Variants in ELOVL5 observed in about 807,000 individuals in gnomAD.
ELOVL5 encodes very long chain fatty acid elongase 5.
A neutral mutation model predicts 38.6 loss-of-function variants in ELOVL5; 8 were observed. The ratio of observed to expected loss-of-function variants is 0.21; its 90% CI spans 0.12 to 0.37. The LOEUF (loss-of-function observed/expected upper bound fraction) is 0.37, where lower values mean the gene tolerates loss of function less well. ELOVL5 is among the 10% of genes least tolerant of loss of function. The pLI, the probability that ELOVL5 is intolerant of heterozygous loss-of-function variation, is 1.00. For missense variants in ELOVL5, 280 were observed against 367.8 expected, an observed-to-expected ratio of 0.76 and a Z score of 1.95; for synonymous variants, 127 against 133.7, an observed-to-expected ratio of 0.95 and a Z score of 0.34.
chr6:53,324,672 C>CAA (rs200304234), intron 1 of ELOVL5, among the ~76,000 whole-genome samples: 3 of 80,378 alleles, frequency 3.7e-5, no homozygotes, highest in Non-Finnish European at 6.4e-5. Context: ...GAGATCCTGT[C>CAA]AAAAAAAAAA....
At chr6:53,298,499 T>C (rs952431216) in intron 1 of ELOVL5, among the ~76,000 whole-genome samples, 1 of 152,128 alleles carries the variant, frequency 6.6e-6, no homozygotes, top group South Asian at 2.1e-4. Context: ...TTATTAGCAA[T>C]GTGACCTTGG....
At chr6:53,344,251 TTG>T (rs1204826560) in intron 1 of ELOVL5, among the ~76,000 whole-genome samples, 1 of 152,200 alleles carries the variant, frequency 6.6e-6, no homozygotes, top group Non-Finnish European at 1.5e-5. Context: ...CCTCTTCTCT[TTG>T]GAAGAGTATC....
At chr6:53,346,495 A>G (rs1296203734) in intron 1 of ELOVL5, among the ~76,000 whole-genome samples, 1 of 152,202 alleles carries the variant, frequency 6.6e-6, no homozygotes, top group African/African-American at 2.4e-5. Flanking sequence ...GCGTATTAAT[A>G]AGTACCTGAC....
At chr6:53,345,812 AG>A (rs796539300) in intron 1 of ELOVL5, among the ~76,000 whole-genome samples, 31 of 152,360 alleles carry the variant, frequency 2.0e-4, no homozygotes, top group African/African-American at 6.0e-4. Context: ...GGATATATGA[AG>A]GAGCAGAGAT....
chr6:53,270,762 C>G, intron 6 of ELOVL5, 35 bp from the exon 7 acceptor site: 1 of 1,613,294 alleles, frequency 6.2e-7, no homozygotes, highest in Non-Finnish European at 8.5e-7. Context: ...TGAACAGGGA[C>G]AGTGCATGGA....
chr6:53,281,459 C>A (rs768976520), intron 3 of ELOVL5, among the ~76,000 whole-genome samples: 1 of 152,146 alleles, frequency 6.6e-6, no homozygotes, highest in Non-Finnish European at 1.5e-5. Flanking sequence ...GGGATTAGCA[C>A]AAAGGAATCC....
intron 1 of ELOVL5, among the ~76,000 whole-genome samples, chr6:53,323,460 A>G (rs1340527088): frequency 6.6e-6 from 1 of 152,148 alleles, no homozygotes; most frequent in Non-Finnish European, 1.5e-5. Context: ...CTGCCTAGAC[A>G]TGACATAAAA....
intron 1 of ELOVL5, among the ~76,000 whole-genome samples, chr6:53,333,835 G>A: frequency 6.6e-6 from 1 of 152,110 alleles, no homozygotes; most frequent in East Asian, 1.9e-4. Context: ...ATTATACTTG[G>A]TGCAGTATTC....
chr6:53,326,280 C>T (rs761988765), intron 1 of ELOVL5, among the ~76,000 whole-genome samples: 2 of 152,154 alleles, frequency 1.3e-5, no homozygotes, highest in Non-Finnish European at 2.9e-5. Flanking sequence ...TCCTTCTATC[C>T]ACCTCCACAT....
intron 1 of ELOVL5, among the ~76,000 whole-genome samples, chr6:53,312,234 T>G (rs1767872110): frequency 3.3e-5 from 5 of 152,184 alleles, no homozygotes; most frequent in Admixed American, 3.3e-4. Flanking sequence ...TATGTTCATA[T>G]AAAAACCTGT....
At chr6:53,342,175 A>G (rs952259788) in intron 1 of ELOVL5, among the ~76,000 whole-genome samples, 1 of 152,250 alleles carries the variant, frequency 6.6e-6, no homozygotes, top group African/African-American at 2.4e-5. Flanking sequence ...CAGCTGATGG[A>G]GGCGTCAACG....
chr6:53,315,381 G>C (rs889932210), intron 1 of ELOVL5, among the ~76,000 whole-genome samples: 1 of 152,124 alleles, frequency 6.6e-6, no homozygotes. Context: ...AATTGAGAGT[G>C]GGGGGACACA....
chr6:53,344,816 C>T (rs768942432), intron 1 of ELOVL5, among the ~76,000 whole-genome samples: 60 of 152,220 alleles, frequency 3.9e-4, no homozygotes, highest in Non-Finnish European at 7.8e-4. Flanking sequence ...AATGATTCCA[C>T]ACTCGCTTAC....
At position 53,274,626 on chromosome 6, in the gene ELOVL5, C is replaced by A. The variant is rs561367709; in HGVS notation, c.496+464G>T. Among the ~76,000 whole-genome samples, 6 of 152,304 alleles carry A rather than the reference C, an allele frequency of 3.9e-5. No individual in the cohort carries two copies. The South Asian group carries it at 1.2e-3, about 32-fold the overall frequency. The stretch of plus-strand genomic sequence containing the variant: ...GTTTTGGTGCTCGTTATAGAAGACA[C>A]CTTGATCACCATGCTTCAGGGAATA... On this transcript the variant is annotated intron_variant, in intron 5 of 7. Coordinates refer to ENST00000304434, the MANE Select transcript of ELOVL5 (RefSeq NM_021814.5).
rs1440248811 is a variant in ELOVL5, at chr6:53,269,017, C to G, written c.*110G>C. 7.9e-7 allele frequency: 1 copy of G among 1,261,538 alleles called. No individual in the cohort carries two copies. Among genetic ancestry groups the G allele is most frequent in the Non-Finnish European group, 1.1e-6 (1 of 904,676 alleles). 78.1% of individuals were successfully genotyped at this position (1,261,538 alleles called of 1,614,324 possible). On this transcript the variant is annotated 3_prime_UTR_variant, in exon 8 of 8. Transcript: ENST00000304434. ...GATGAAAGAAGTCCTACATGAATCACACTATTGTAGGCCAGACTAGTTACA... is the reference window on the plus strand; with the variant it reads ...GATGAAAGAAGTCCTACATGAATCAGACTATTGTAGGCCAGACTAGTTACA...
At chr6:53,338,665 T>A (rs1020813426) in intron 1 of ELOVL5, among the ~76,000 whole-genome samples, 10 of 152,210 alleles carry the variant, frequency 6.6e-5, no homozygotes, top group African/African-American at 2.4e-4. Context: ...TTCAATCATA[T>A]TCTAAACATC....
At chr6:53,307,765 G>A (rs980905925) in intron 1 of ELOVL5, among the ~76,000 whole-genome samples, 1 of 152,234 alleles carries the variant, frequency 6.6e-6, no homozygotes, top group Non-Finnish European at 1.5e-5. Context: ...GAGCAGGCCA[G>A]TGTCTATCCC....
At chr6:53,347,706 T>C (rs1354288026) in intron 1 of ELOVL5, among the ~76,000 whole-genome samples, 1 of 152,192 alleles carries the variant, frequency 6.6e-6, no homozygotes, top group Admixed American at 6.5e-5. Context: ...CACTGGATTC[T>C]TCCGAAAGAG....
chr6:53,313,833 A>G (rs992793507), intron 1 of ELOVL5, among the ~76,000 whole-genome samples: 1 of 152,262 alleles, frequency 6.6e-6, no homozygotes, highest in African/African-American at 2.4e-5. Flanking sequence ...TACAATGTGC[A>G]GTCACTATGT....
Sources: gnomAD v4.1 joint callset for allele counts (sites outside exome capture counted in the v4.1 genomes callset) on GRCh38, gnomAD v4.1.1 for gene constraint, MANE v1.5 for transcripts, NCBI Gene and HGNC (gene_info 2026-07-23, HGNC 2026-07-21) for gene names.